MEGF11: variants seen among roughly 807,000 people sequenced by gnomAD.
The protein encoded by MEGF11 is multiple EGF like domains 11, also known as multiple epidermal growth factor-like domains protein 11.
A neutral mutation model predicts 146.6 loss-of-function variants in MEGF11; 126 were observed. That is an observed-to-expected ratio of 0.86 (90% CI 0.74 to 1.00). The LOEUF (loss-of-function observed/expected upper bound fraction) is 1.00. Among genes scored for constraint, MEGF11 ranks in the 50% least tolerant of loss-of-function variants. MEGF11 has a pLI of 0.00. For missense variants in MEGF11, 1,509 were observed against 1,521.2 expected (o/e 0.99, Z 0.13); for synonymous variants, 532 against 583.4 (o/e 0.91, Z 1.27).
At chr15:66,189,252 G>A (rs2090805087) in intron 1 of MEGF11, among the ~76,000 whole-genome samples, 1 of 152,170 alleles carries the variant, frequency 6.6e-6, no homozygotes, top group South Asian at 2.1e-4. Context: ...AGGGAGGGGA[G>A]GCCAAGGAAT....
At chr15:65,910,816 T>A (rs1263155563) in intron 21 of MEGF11, among the ~76,000 whole-genome samples, 1 of 152,128 alleles carries the variant, frequency 6.6e-6, no homozygotes, top group Non-Finnish European at 1.5e-5. Flanking sequence ...AAGCCATGCT[T>A]TTGTCCCTGA....
intron 1 of MEGF11, among the ~76,000 whole-genome samples, chr15:66,215,011 C>G (rs2091551277): frequency 6.6e-6 from 1 of 152,144 alleles, no homozygotes; most frequent in African/African-American, 2.4e-5. Flanking sequence ...GGCAGAAGCA[C>G]ATGGAATGCA....
At chr15:66,199,363 C>A (rs935903736) in intron 1 of MEGF11, among the ~76,000 whole-genome samples, 3 of 152,106 alleles carry the variant, frequency 2.0e-5, no homozygotes, top group Non-Finnish European at 4.4e-5. Context: ...AGTCCTAGTG[C>A]CCTGGGTGTT....
At chr15:66,160,382 G>A (rs1333656232) in intron 1 of MEGF11, among the ~76,000 whole-genome samples, 1 of 151,950 alleles carries the variant, frequency 6.6e-6, no homozygotes, top group Non-Finnish European at 1.5e-5. Flanking sequence ...AGAGTCAAAG[G>A]AGATAAAAGG....
At position 65,909,741 on chromosome 15, in the gene MEGF11, T is replaced by G. The variant is rs1013533299; in HGVS notation, c.2895A>C (p.Leu965Phe). ...GWTPYSYVNV[L>F]DSHFQISALE... The stretch of plus-strand genomic sequence containing the variant: ...GACCAGACTCACACCACTACTGACC[T>G]AACACGTTCACATAGCTGTAGGGGG... Residue 965 changes from leucine (L) to phenylalanine (F), a missense_variant and splice_region_variant, in exon 22 of 26, where the codon TTA (leucine) becomes TTC (phenylalanine). Coordinates refer to ENST00000395614, the MANE Select transcript of MEGF11 (RefSeq NM_001385028.1). 11 of 1,576,052 alleles carry G rather than the reference T, an allele frequency of 7.0e-6. No homozygotes were observed. Among genetic ancestry groups the G allele is most frequent in the Admixed American group, 1.8e-5 (1 of 56,352 alleles).
intron 24 of MEGF11, among the ~76,000 whole-genome samples, chr15:65,899,724 C>G (rs1596808430): frequency 1.3e-5 from 2 of 152,202 alleles, no homozygotes; most frequent in South Asian, 4.1e-4. Flanking sequence ...TGTTTTCTAG[C>G]AAGCCTGTAA....
intron 5 of MEGF11, among the ~76,000 whole-genome samples, chr15:65,991,747 TG>T (rs1351559117): frequency 6.6e-6 from 1 of 152,206 alleles, no homozygotes; most frequent in African/African-American, 2.4e-5. Context: ...GTCAGGAAAC[TG>T]GGCCAGAGAA....
intron 15 of MEGF11, among the ~76,000 whole-genome samples, chr15:65,920,360 G>T (rs1247936771): frequency 2.0e-5 from 3 of 152,212 alleles, no homozygotes; most frequent in Admixed American, 2.0e-4. Context: ...TTTTTGAAAA[G>T]CAGGCTGCCC....
intron 5 of MEGF11, among the ~76,000 whole-genome samples, chr15:65,985,805 C>T (rs976607860): frequency 6.6e-6 from 1 of 151,910 alleles, no homozygotes; most frequent in Non-Finnish European, 1.5e-5. Flanking sequence ...TTCATGGTAC[C>T]CTACGAAAGT....
intron 5 of MEGF11, among the ~76,000 whole-genome samples, chr15:66,082,986 T>A (rs1685456179): frequency 6.6e-6 from 1 of 152,118 alleles, no homozygotes; most frequent in South Asian, 2.1e-4. Flanking sequence ...CAGGCCCCCA[T>A]CCTATACCTC....
In MEGF11 at chr15:66,161,377, C is replaced by T. The variant is rs1481144480; in HGVS notation, c.-8-32966G>A. Among the ~76,000 whole-genome samples, 5 of 152,148 alleles carry T rather than the reference C, an allele frequency of 3.3e-5. No individual in the cohort carries two copies. The East Asian group carries it at 9.6e-4, about 29-fold the overall frequency. On this transcript the variant is annotated intron_variant, in intron 1 of 25. Coordinates refer to ENST00000395614, the MANE Select transcript of MEGF11 (RefSeq NM_001385028.1). The stretch of plus-strand genomic sequence containing the variant: ...CAGAAGGATGTGTTCACTTGAGAAG[C>T]TGGTCACATAATCTCCACTTTTTTT...
chr15:66,010,161 T>TAAAAA (rs11302321), intron 5 of MEGF11, among the ~76,000 whole-genome samples: 3 of 126,130 alleles, frequency 2.4e-5, no homozygotes, highest in Admixed American at 8.2e-5. Context: ...GCTGATTAGC[T>TAAAAA]AAAAAAAAAA....
intron 1 of MEGF11, among the ~76,000 whole-genome samples, chr15:66,201,778 C>A (rs370548293): frequency 0.012 from 1,147 of 99,134 alleles, 90 homozygotes; most frequent in African/African-American, 0.023. Context: ...CTAAAAATCC[C>A]AAAAAAAAAA....
chr15:66,098,379 T>A (rs1270013174), intron 4 of MEGF11, among the ~76,000 whole-genome samples: 1 of 152,236 alleles, frequency 6.6e-6, no homozygotes, highest in African/African-American at 2.4e-5. Flanking sequence ...CCACCCAAGA[T>A]GACCCACAAG....
At chr15:66,073,174 ATGGCGAGGCCTCTGGTGTGAGG>A (rs1451761154) in intron 5 of MEGF11, among the ~76,000 whole-genome samples, 6 of 152,228 alleles carry the variant, frequency 3.9e-5, no homozygotes, top group African/African-American at 4.8e-5. Flanking sequence ...CCTGAGATGA[ATGGCGAGGCCTCTGGTGTGAGG>A]TGGCGAGGCC....
At chr15:66,189,891 A>G (rs2090824161) in intron 1 of MEGF11, among the ~76,000 whole-genome samples, 1 of 152,182 alleles carries the variant, frequency 6.6e-6, no homozygotes, top group Non-Finnish European at 1.5e-5. Flanking sequence ...CTGAAATGAC[A>G]GGATCACTTG....
At chr15:65,987,095 G>A (rs1441666839) in intron 5 of MEGF11, among the ~76,000 whole-genome samples, 1 of 152,088 alleles carries the variant, frequency 6.6e-6, no homozygotes, top group Non-Finnish European at 1.5e-5. Context: ...CAGGCTTAGT[G>A]TGCCCCTGGG....
At chr15:66,210,222 T>C (rs1173583455) in intron 1 of MEGF11, among the ~76,000 whole-genome samples, 1 of 152,070 alleles carries the variant, frequency 6.6e-6, no homozygotes, top group Non-Finnish European at 1.5e-5. Flanking sequence ...GGAAACTGAG[T>C]AAAGGGTATA....
rs558645877 is a variant in MEGF11, at chr15:65,910,902, A to C, written c.2830-1096T>G. 2.0e-5 allele frequency among the ~76,000 whole-genome samples: 3 copies of C among 152,248 alleles called. No homozygotes were observed. The East Asian group carries it at 5.8e-4, about 29-fold the overall frequency. ...CCCTGCTCCCCACTGTTTTGTGTCT[A>C]TGGGCACAGGCACAGGTGGGTGTCC... On this transcript the variant is annotated intron_variant, in intron 21 of 25. Coordinates refer to ENST00000395614, the MANE Select transcript of MEGF11 (RefSeq NM_001385028.1).
Sources: gnomAD v4.1 joint callset for allele counts (sites outside exome capture counted in the v4.1 genomes callset) on GRCh38, gnomAD v4.1.1 for gene constraint, MANE v1.5 for transcripts, NCBI Gene and HGNC (gene_info 2026-07-23, HGNC 2026-07-21) for gene names.